GALNT2: variants seen among roughly 807,000 people sequenced by gnomAD.
The protein encoded by GALNT2 is polypeptide N-acetylgalactosaminyltransferase 2, also known as UDP-GalNAc:polypeptide N-acetylgalactosaminyltransferase 2.
A neutral mutation model predicts 81.4 loss-of-function variants in GALNT2; 31 were observed. The observed-to-expected ratio is 0.38, with a 90% CI of 0.29 to 0.51. The LOEUF is 0.51. Ranked by LOEUF, GALNT2 falls within the 20% of genes least tolerant of loss-of-function variation. The probability of loss-of-function intolerance (pLI) is 0.87; values close to 1 mark genes in which losing one functional copy is unlikely to be tolerated. For synonymous variants in GALNT2, 303 were observed against 287.4 expected (o/e 1.05, Z -0.55); for missense variants, 629 against 765.7 (o/e 0.82, Z 2.11).
At chr1:230,100,350 G>A (rs1214600012) in intron 1 of GALNT2, among the ~76,000 whole-genome samples, 1 of 114,914 alleles carries the variant, frequency 8.7e-6, no homozygotes, top group African/African-American at 3.5e-5. Context: ...ATGGAGTCTC[G>A]CTCTGTTGCC....
chr1:230,220,115 C>A (rs1481069192), intron 3 of GALNT2, among the ~76,000 whole-genome samples: 1 of 152,076 alleles, frequency 6.6e-6, no homozygotes, highest in African/African-American at 2.4e-5. Flanking sequence ...TGAGACAGTA[C>A]CTTGTACTCA....
chr1:230,272,766 G>A (rs12045859), intron 14 of GALNT2, among the ~76,000 whole-genome samples: 25 of 152,082 alleles, frequency 1.6e-4, no homozygotes, highest in Non-Finnish European at 2.6e-4. Context: ...GGTTTGGTTC[G>A]GTTCGGTTCA....
chr1:230,247,227 A>T (rs1440814738), intron 8 of GALNT2, among the ~76,000 whole-genome samples: 2 of 152,162 alleles, frequency 1.3e-5, no homozygotes, highest in Non-Finnish European at 2.9e-5. Flanking sequence ...ATTCATACAC[A>T]CACACATATG....
chr1:230,080,988 G>A (rs948160231), intron 1 of GALNT2, among the ~76,000 whole-genome samples: 2 of 152,166 alleles, frequency 1.3e-5, no homozygotes, highest in African/African-American at 2.4e-5. Flanking sequence ...CATGTGACAC[G>A]TCGCAGGCAT....
chr1:230,236,686 A>C lies in GALNT2; in HGVS notation c.568A>C (p.Ile190Leu). ...TGAGGACGGGGCTCTCTTGGGGAAAATTGAGAAAGTGCGAGTTCTTAGAAA... is the reference window on the plus strand; with the variant it reads ...TGAGGACGGGGCTCTCTTGGGGAAACTTGAGAAAGTGCGAGTTCTTAGAAA... ...DPEDGALLGK[I>L]EKVRVLRNDR... The change falls in exon 6 of 16, where the codon ATT becomes CTT. Residue 190 changes from isoleucine (I) to leucine (L), a missense_variant. Ile to Leu is a conservative substitution (Grantham distance 5). This residue lies in a region of GALNT2 where 360 missense variants were observed against 492.8 expected (regional missense o/e 0.73). Coordinates refer to ENST00000366672, the MANE Select transcript of GALNT2 (RefSeq NM_004481.5). 2 of 1,613,766 alleles carry C rather than the reference A, an allele frequency of 1.2e-6. No individual in the cohort carries two copies. The highest frequency in any genetic ancestry group is 1.7e-6 in the Non-Finnish European group (2 of 1,179,942).
chr1:230,105,183 A>G (rs1478806545), intron 1 of GALNT2, among the ~76,000 whole-genome samples: 2 of 152,222 alleles, frequency 1.3e-5, no homozygotes, highest in African/African-American at 4.8e-5. Flanking sequence ...AGAGGTGCTC[A>G]GACCTCCTTT....
chr1:230,207,092 C>A (rs1202072770), intron 3 of GALNT2, among the ~76,000 whole-genome samples: 1 of 151,804 alleles, frequency 6.6e-6, no homozygotes, highest in Admixed American at 6.6e-5. Context: ...TTATTGTATC[C>A]AGGGTTGTTA....
At chr1:230,273,751 A>G (rs186461521) in intron 14 of GALNT2, among the ~76,000 whole-genome samples, 170 of 152,330 alleles carry the variant, frequency 1.1e-3, no homozygotes, top group African/African-American at 4.0e-3. Context: ...TTTCTCATCT[A>G]TAAAATGAGA....
chr1:230,272,799 C>T (rs955837815), intron 14 of GALNT2, among the ~76,000 whole-genome samples: 2 of 152,130 alleles, frequency 1.3e-5, no homozygotes, highest in African/African-American at 4.8e-5. Context: ...GACAGGGTCT[C>T]GGTCTGTCAC....
chr1:230,160,098 A>G (rs148140620), intron 1 of GALNT2, among the ~76,000 whole-genome samples: 2 of 152,260 alleles, frequency 1.3e-5, no homozygotes, highest in African/African-American at 4.8e-5. Flanking sequence ...GATGACCACC[A>G]TCATCTCATA....
rs761418671 is a variant in GALNT2, at chr1:230,236,749, C to T, written c.607+24C>T. On this transcript the variant is annotated intron_variant, in intron 6 of 15. Transcript: ENST00000366672. ...AGGTAAGATTCTTCTTAATTCAGCG[C>T]CAAGACAGTTGAATTCTGACTTTTC... 6.3e-6 allele frequency: 10 copies of T among 1,597,470 alleles called. No homozygotes were observed. In the South Asian group the frequency reaches 9.1e-5, roughly 15 times the overall value.
intron 1 of GALNT2, among the ~76,000 whole-genome samples, chr1:230,153,202 T>G (rs1330820312): frequency 2.6e-5 from 4 of 152,228 alleles, no homozygotes; most frequent in African/African-American, 7.2e-5. Context: ...TAGCTGAGAC[T>G]ATAGGCCTGA....
At chr1:230,261,083 T>C (rs1007890482) in intron 11 of GALNT2, among the ~76,000 whole-genome samples, 10 of 60,050 alleles carry the variant, frequency 1.7e-4, no homozygotes, top group South Asian at 1.1e-3. Flanking sequence ...AAGTTTCTCT[T>C]TTTTTTTTTT....
intron 1 of GALNT2, among the ~76,000 whole-genome samples, chr1:230,091,409 A>G (rs1242871933): frequency 1.3e-5 from 2 of 151,478 alleles, no homozygotes; most frequent in Non-Finnish European, 2.9e-5. Context: ...ATTTCTATCT[A>G]TTTTCTATCG....
intron 1 of GALNT2, among the ~76,000 whole-genome samples, chr1:230,084,025 TC>T (rs1659827401): frequency 6.6e-6 from 1 of 152,174 alleles, no homozygotes; most frequent in Non-Finnish European, 1.5e-5. Context: ...GGTCTGCACT[TC>T]CAGCAGCCCT....
At chr1:230,214,696 C>A (rs561381846) in intron 3 of GALNT2, among the ~76,000 whole-genome samples, 1 of 152,278 alleles carries the variant, frequency 6.6e-6, no homozygotes, top group South Asian at 2.1e-4. Flanking sequence ...GAGCTTCATG[C>A]CTTGTCAGTT....
At chr1:230,061,510 T>A (rs3009711) in intron 1 of GALNT2, among the ~76,000 whole-genome samples, 1,679 of 152,346 alleles carry the variant, frequency 0.011, 31 homozygotes, top group African/African-American at 0.039. Flanking sequence ...TTATGAATAT[T>A]TTTTTAAGCT....
chr1:230,063,636 A>G (rs1189640028), upstream of GALNT2, among the ~76,000 whole-genome samples: 3 of 152,238 alleles, frequency 2.0e-5, no homozygotes, highest in African/African-American at 7.2e-5. Flanking sequence ...CTAAAGTTTA[A>G]TCTCTATCAT....
At position 230,070,025 on chromosome 1, in the gene GALNT2, A is replaced by T. The variant is rs144539328; in HGVS notation, c.126+2619A>T. On this transcript the variant is annotated intron_variant, in intron 1 of 15. Transcript: ENST00000366672. The surrounding 1 kb of genome is among the most constrained non-coding windows in gnomAD (Gnocchi z 4.7). ...CATTGTGTGCCCTGCCTGTTAAGTA[A>T]CTCATCACAGAACTGTTATTCTCCA... is the stretch of plus-strand genomic sequence containing the variant. Among the ~76,000 whole-genome samples the T allele has an allele frequency of 1.3e-3, 205 of 152,196 alleles. No homozygotes were observed. Among genetic ancestry groups the T allele is most frequent in the African/African-American group, 4.7e-3 (196 of 41,506 alleles).
Sources: gnomAD v4.1 joint callset for allele counts (sites outside exome capture counted in the v4.1 genomes callset) on GRCh38, gnomAD v4.1.1 for gene constraint, gnomAD v4.1.1 regional missense constraint, Gnocchi (gnomAD v3.1) non-coding constraint, MANE v1.5 for transcripts, NCBI Gene and HGNC (gene_info 2026-07-23, HGNC 2026-07-21) for gene names.